The following CIB4 variants were observed in gnomAD, a reference collection of about 807,000 sequenced individuals.
CIB4 encodes calcium and integrin-binding family member 4.
Under a neutral mutation model 25.8 loss-of-function variants are expected in CIB4, and 25 were observed. That is an observed-to-expected ratio of 0.97 (90% CI 0.71 to 1.35). The LOEUF is 1.35. Ranked by LOEUF, CIB4 falls within the 40% of genes most tolerant of loss-of-function variation. The probability of loss-of-function intolerance (pLI) is 0.00; values close to 1 mark genes in which losing one functional copy is unlikely to be tolerated. For missense variants in CIB4, 235 were observed against 228.2 expected, an observed-to-expected ratio of 1.03 and a Z score of -0.19; for synonymous variants, 75 against 81.4, an observed-to-expected ratio of 0.92 and a Z score of 0.42.
At chr2:26,601,231 A>AAAAAAATATAT (rs1395827334) in intron 3 of CIB4, among the ~76,000 whole-genome samples, 1 of 17,232 alleles carries the variant, frequency 5.8e-5, no homozygotes, top group African/African-American at 1.5e-4. Flanking sequence ...AAAAAAAAAA[A>AAAAAAATATAT]ATATATATAT....
intron 3 of CIB4, among the ~76,000 whole-genome samples, chr2:26,601,226 AAAAAAATATAT>A (rs1431756518): frequency 0.036 from 2,075 of 57,156 alleles, 94 homozygotes; most frequent in Admixed American, 0.053. Context: ...TCAAAAAAAA[AAAAAAATATAT>A]ATATATATAT....
At chr2:26,582,256 G>A (rs567675242) in intron 6 of CIB4, among the ~76,000 whole-genome samples, 82 of 152,188 alleles carry the variant, frequency 5.4e-4, no homozygotes, top group Admixed American at 4.0e-3. Context: ...CATGGCACGC[G>A]CTGCCTCCAG....
At position 26,582,698 on chromosome 2, in the gene CIB4, A is replaced by G. The variant is rs1207550456; in HGVS notation, c.527+127T>C. On this transcript the variant is annotated intron_variant, in intron 6 of 6. Transcript: ENST00000288861. The stretch of plus-strand genomic sequence containing the variant: ...TTTTGCTGACTCTGAAAGAATCTGC[A>G]AAGTATTCTGGAAACTCACAGCCTT... 3.4e-5 allele frequency: 19 copies of G among 561,440 alleles called. No individual in the cohort carries two copies. In the South Asian group the frequency reaches 5.2e-4, roughly 15 times the overall value. 34.8% of individuals were successfully genotyped at this position (561,440 alleles called of 1,614,324 possible).
intron 3 of CIB4, among the ~76,000 whole-genome samples, chr2:26,601,911 T>G (rs1035174694): frequency 2.0e-5 from 3 of 152,212 alleles, no homozygotes; most frequent in African/African-American, 7.2e-5. Context: ...ACATATTGTA[T>G]GAGTCCATCC....
chr2:26,612,126 G>C (rs952295093), intron 3 of CIB4, among the ~76,000 whole-genome samples: 4 of 80,386 alleles, frequency 5.0e-5, no homozygotes, highest in African/African-American at 2.2e-4. Flanking sequence ...GGAGGCAGGA[G>C]CTTTTGCTTC....
intron 3 of CIB4, among the ~76,000 whole-genome samples, chr2:26,612,712 T>A (rs1240032463): frequency 2.0e-5 from 3 of 152,066 alleles, no homozygotes; most frequent in Non-Finnish European, 4.4e-5. Flanking sequence ...GCACTGCATA[T>A]GCACAGAAGG....
intron 3 of CIB4, among the ~76,000 whole-genome samples, chr2:26,598,488 C>T (rs1024436228): frequency 1.1e-4 from 17 of 152,080 alleles, no homozygotes; most frequent in Admixed American, 5.2e-4. Flanking sequence ...GGAGCTGACA[C>T]GGAGCAACTG....
Position 26,627,240 on chromosome 2 carries a change from C to T in CIB4, c.186+2170G>A, listed in dbSNP as rs570233224. Among the ~76,000 whole-genome samples, 2 of 152,348 alleles carry T rather than the reference C, an allele frequency of 1.3e-5. No individual in the cohort carries two copies. Among genetic ancestry groups the T allele is most frequent in the Admixed American group, 1.3e-4 (2 of 15,304 alleles). Reference sequence around the variant, plus strand: ...GCCAAGCCTTGATTAGAATAGGAGGCTCTGCCTGGGCCAGAGTTCAAGCTG... The same window carrying T: ...GCCAAGCCTTGATTAGAATAGGAGGTTCTGCCTGGGCCAGAGTTCAAGCTG... On this transcript the variant is annotated intron_variant, in intron 3 of 6. Transcript: ENST00000288861. This position sits in a 1 kb window ranked among gnomAD's most constrained non-coding sequence, Gnocchi z 4.0.
chr2:26,622,120 G>A (rs186650316), intron 3 of CIB4, among the ~76,000 whole-genome samples: 28 of 152,280 alleles, frequency 1.8e-4, no homozygotes, highest in Non-Finnish European at 1.8e-4. Context: ...CAGCATTTTG[G>A]GAGGCCGAGG....
At chr2:26,614,574 G>A (rs560075689) in intron 3 of CIB4, among the ~76,000 whole-genome samples, 1 of 152,342 alleles carries the variant, frequency 6.6e-6, no homozygotes, top group South Asian at 2.1e-4. Flanking sequence ...ACCACAGGGC[G>A]CCCAGTTCCG....
At chr2:26,641,187 G>T in intron 1 of CIB4, 74 bp downstream of exon 1, 1 of 1,293,810 alleles carries the variant, frequency 7.7e-7, no homozygotes, top group Non-Finnish European at 1.1e-6. Flanking sequence ...CGTCAGGAAG[G>T]AATTTTCCCA....
intron 3 of CIB4, among the ~76,000 whole-genome samples, chr2:26,614,448 C>T (rs960827518): frequency 6.6e-5 from 10 of 152,286 alleles, no homozygotes; most frequent in African/African-American, 2.4e-4. Context: ...ATCCCATTAG[C>T]GTGTCATTTG....
At chr2:26,619,300 G>A (rs534072803) in intron 3 of CIB4, among the ~76,000 whole-genome samples, 29 of 152,296 alleles carry the variant, frequency 1.9e-4, no homozygotes, top group Admixed American at 5.2e-4. Context: ...GCGTCCCAGC[G>A]TGGAGACCGG....
At chr2:26,592,660 C>G (rs1668606411) in intron 4 of CIB4, among the ~76,000 whole-genome samples, 1 of 152,122 alleles carries the variant, frequency 6.6e-6, no homozygotes, top group African/African-American at 2.4e-5. Context: ...ATTTTTCTCT[C>G]TGTTCTTCAG....
At chr2:26,607,395 C>T (rs1001781277) in intron 3 of CIB4, among the ~76,000 whole-genome samples, 11 of 152,216 alleles carry the variant, frequency 7.2e-5, no homozygotes, top group African/African-American at 2.2e-4. Context: ...ACATCTATTA[C>T]AGGAGAAACA....
chr2:26,607,658 C>T lies in CIB4; in HGVS notation c.187-12341G>A, dbSNP rs1173864840. Among the ~76,000 whole-genome samples, 5 of 152,172 alleles carry T rather than the reference C, an allele frequency of 3.3e-5. No individual in the cohort carries two copies. The East Asian group carries it at 7.7e-4, about 23-fold the overall frequency. ...CAAAACACCTGGCACTGCCAGGACC[C>T]GGATAAACATTTGCTACCATGAATA... On this transcript the variant is annotated intron_variant, in intron 3 of 6. Transcript: ENST00000288861.
rs867772988 is a variant in CIB4 at position 26,589,006 on chromosome 2, T to C, written c.329-5108A>G. ...CTTCTTCTTCTTCTTCTTCTTCTTC[T>C]TCTTCTTCTTCTTCTTCTTCTTCTT... On this transcript the variant is annotated intron_variant, in intron 4 of 6. Transcript: ENST00000288861. Among the ~76,000 whole-genome samples, 115 of 15,910 alleles carry C rather than the reference T, an allele frequency of 7.2e-3. 8 individuals are homozygous for C. Among genetic ancestry groups the C allele is most frequent in the Middle Eastern group, 0.031 (1 of 32 alleles). The allele number at this position is 15,910 out of a possible 152,430, so 10.4% of individuals were successfully genotyped here. A position where few individuals can be genotyped will look rare whatever the true frequency, so the allele number is the denominator to read the frequency against.
intron 2 of CIB4, among the ~76,000 whole-genome samples, chr2:26,638,452 C>T (rs1225743955): frequency 6.6e-6 from 1 of 152,108 alleles, no homozygotes; most frequent in East Asian, 1.9e-4. Flanking sequence ...CGAGAGAGAG[C>T]CTGAACCCTT....
At chr2:26,591,165 C>A (rs1572542414) in intron 4 of CIB4, among the ~76,000 whole-genome samples, 1 of 152,312 alleles carries the variant, frequency 6.6e-6, no homozygotes, top group South Asian at 2.1e-4. Flanking sequence ...GTGTCCCCAC[C>A]CCAGTGGCAG....
Sources: gnomAD v4.1 joint callset for allele counts (sites outside exome capture counted in the v4.1 genomes callset) on GRCh38, gnomAD v4.1.1 for gene constraint, Gnocchi (gnomAD v3.1) non-coding constraint, MANE v1.5 for transcripts, NCBI Gene and HGNC (gene_info 2026-07-23, HGNC 2026-07-21) for gene names.